The following ERC2 variants were observed in gnomAD, a reference collection of about 807,000 sequenced individuals.
ERC2 encodes the protein ERC protein 2.
Under a neutral mutation model 114.8 loss-of-function variants are expected in ERC2, and 42 were observed. The observed-to-expected ratio is 0.37, with a 90% CI of 0.29 to 0.47. The LOEUF (loss-of-function observed/expected upper bound fraction) is 0.47. ERC2 is among the 20% of genes least tolerant of loss of function. The pLI is 0.99. For synonymous variants in ERC2, 454 were observed against 425.5 expected (o/e 1.07, Z -0.82); for missense variants, 939 against 1,150.7 (o/e 0.82, Z 2.66).
At chr3:55,553,090 C>T (rs1421539380) in intron 17 of ERC2, among the ~76,000 whole-genome samples, 6 of 125,230 alleles carry the variant, frequency 4.8e-5, no homozygotes, top group African/African-American at 1.8e-4. Flanking sequence ...GGTGCAATCT[C>T]GGCTCACTGC....
At chr3:56,285,521 G>A (rs1198871172) in intron 3 of ERC2, among the ~76,000 whole-genome samples, 1 of 152,082 alleles carries the variant, frequency 6.6e-6, no homozygotes, top group Non-Finnish European at 1.5e-5. Context: ...CTAGTAACAG[G>A]CAGTCTTCCC....
chr3:56,041,881 C>T (rs2075211570), intron 7 of ERC2, among the ~76,000 whole-genome samples: 1 of 152,198 alleles, frequency 6.6e-6, no homozygotes, highest in African/African-American at 2.4e-5. Flanking sequence ...GTATTAGTGA[C>T]TTTATGACAC....
intron 9 of ERC2, among the ~76,000 whole-genome samples, chr3:56,009,884 G>C (rs1373039767): frequency 1.3e-5 from 2 of 152,188 alleles, no homozygotes; most frequent in East Asian, 3.9e-4. Context: ...ATTCATGTTT[G>C]CTATGGTATA....
intron 17 of ERC2, among the ~76,000 whole-genome samples, chr3:55,635,333 A>T (rs2059916566): frequency 6.6e-6 from 1 of 152,112 alleles, no homozygotes. Context: ...TTTAATGTTT[A>T]TAAACATTAG....
intron 7 of ERC2, among the ~76,000 whole-genome samples, chr3:56,071,564 A>G (rs543994475): frequency 3.1e-4 from 47 of 152,326 alleles, no homozygotes; most frequent in African/African-American, 1.0e-3. Flanking sequence ...TAGAGCCCAA[A>G]GGAAGAAAAA....
intron 3 of ERC2, among the ~76,000 whole-genome samples, chr3:56,287,883 A>G (rs995902246): frequency 6.6e-6 from 1 of 152,178 alleles, no homozygotes; most frequent in African/African-American, 2.4e-5. Context: ...TCGATGGAAG[A>G]ATTAAATGGC....
At chr3:56,268,769 T>C (rs2053481055) in intron 3 of ERC2, among the ~76,000 whole-genome samples, 1 of 152,192 alleles carries the variant, frequency 6.6e-6, no homozygotes, top group Admixed American at 6.5e-5. Context: ...GCAGGCCAAT[T>C]TGGTAAAGTT....
chr3:56,210,455 T>C (rs2048992476), intron 3 of ERC2, among the ~76,000 whole-genome samples: 2 of 152,362 alleles, frequency 1.3e-5, no homozygotes, highest in Admixed American at 6.5e-5. Context: ...GTGTGCTTTG[T>C]ACTAAATACT....
chr3:56,169,064 A>G (rs2082479917), intron 4 of ERC2, among the ~76,000 whole-genome samples: 3 of 152,166 alleles, frequency 2.0e-5, no homozygotes, highest in African/African-American at 7.2e-5. Context: ...CACAATCCCC[A>G]CTTCAATTAC....
chr3:55,552,241 C>T (rs1383688488), intron 17 of ERC2, among the ~76,000 whole-genome samples: 2 of 152,094 alleles, frequency 1.3e-5, no homozygotes, highest in Non-Finnish European at 2.9e-5. Context: ...CCAGCCACGT[C>T]TGTTTATAAC....
At chr3:55,825,167 C>A (rs111956312) in intron 14 of ERC2, among the ~76,000 whole-genome samples, 191 of 152,292 alleles carry the variant, frequency 1.3e-3, no homozygotes, top group African/African-American at 4.1e-3. Flanking sequence ...TCATTTCAAA[C>A]TGTGAGCAGG....
chr3:55,843,931 A>C (rs1180735726), intron 14 of ERC2, among the ~76,000 whole-genome samples: 1 of 152,252 alleles, frequency 6.6e-6, no homozygotes, highest in Non-Finnish European at 1.5e-5. Flanking sequence ...AATTGGAATG[A>C]GACAAGGATT....
At chr3:55,759,583 T>A (rs753730775) in intron 14 of ERC2, among the ~76,000 whole-genome samples, 2 of 148,820 alleles carry the variant, frequency 1.3e-5, no homozygotes, top group Non-Finnish European at 3.0e-5. Flanking sequence ...AACAAAAAAA[T>A]GTAACATTAA....
chr3:56,025,351 C>A (rs1418728237), intron 7 of ERC2, among the ~76,000 whole-genome samples: 1 of 152,166 alleles, frequency 6.6e-6, no homozygotes, highest in Non-Finnish European at 1.5e-5. Flanking sequence ...CTGGGCATGG[C>A]CTGATTGGTT....
chr3:55,768,070 C>G (rs554240932), intron 14 of ERC2, among the ~76,000 whole-genome samples: 1 of 152,256 alleles, frequency 6.6e-6, no homozygotes, highest in African/African-American at 2.4e-5. Context: ...TTTTTCTGGC[C>G]ATGTAAGATG....
At chr3:55,522,288 A>C (rs1342794053) in intron 17 of ERC2, among the ~76,000 whole-genome samples, 6 of 152,132 alleles carry the variant, frequency 3.9e-5, no homozygotes, top group African/African-American at 1.4e-4. Flanking sequence ...CCTTTTAACG[A>C]TATGCTGCCT....
At chr3:55,518,363 T>G (rs530244185) in intron 17 of ERC2, among the ~76,000 whole-genome samples, 1 of 152,342 alleles carries the variant, frequency 6.6e-6, no homozygotes, top group South Asian at 2.1e-4. Context: ...CAGAAACAGT[T>G]GCATAGATTG....
At chr3:56,173,420 T>C (rs6804221) in intron 4 of ERC2, 26 bp downstream of exon 4, 102,847 of 1,608,166 alleles carry the variant, frequency 0.064, 4,391 homozygotes, top group Admixed American at 0.19. Flanking sequence ...GCATAACTGT[T>C]TCTGACAAAA....
At chr3:56,303,753 A>C (rs1189120722) in intron 2 of ERC2, among the ~76,000 whole-genome samples, 1 of 152,206 alleles carries the variant, frequency 6.6e-6, no homozygotes, top group Non-Finnish European at 1.5e-5. Context: ...TTCTTCTAGC[A>C]AGCCCATATT....
Sources: gnomAD v4.1 joint callset for allele counts (sites outside exome capture counted in the v4.1 genomes callset) on GRCh38, gnomAD v4.1.1 for gene constraint, MANE v1.5 for transcripts, NCBI Gene and HGNC (gene_info 2026-07-23, HGNC 2026-07-21) for gene names.